ADGRE5: variants seen among roughly 807,000 people sequenced by gnomAD.
ADGRE5 encodes CD97 molecule.
In ADGRE5, 72 loss-of-function variants were observed where a neutral mutation model predicts 100.3. The observed-to-expected ratio is 0.72, with a 90% CI of 0.59 to 0.87. The LOEUF (loss-of-function observed/expected upper bound fraction) is 0.87, where lower values mean the gene tolerates loss of function less well. Ranked by LOEUF, ADGRE5 falls within the 40% of genes least tolerant of loss-of-function variation. The pLI is 0.00. For missense variants in ADGRE5, 959 were observed against 1,094.7 expected, an observed-to-expected ratio of 0.88 and a Z score of 1.75; for synonymous variants, 439 against 447.8, an observed-to-expected ratio of 0.98 and a Z score of 0.25.
At chr19:14,407,777 A>G (rs1976332167) in intron 18 of ADGRE5, 131 bp from the exon 19 acceptor site, 3 of 722,310 alleles carry the variant, frequency 4.2e-6, no homozygotes, top group Non-Finnish European at 7.1e-6. Context: ...CCTGGGTGAC[A>G]GGGGGACCCG....
In ADGRE5 at chr19:14,406,953, A is replaced by G. The variant is rs1161706924; in HGVS notation, c.2200A>G (p.Lys734Glu). Residue 734 changes from lysine (K) to glutamate (E), a missense_variant, in exon 17 of 20, where the codon AAG becomes GAG. Transcript: ENST00000242786. The surrounding 1 kb of genome is among the most constrained non-coding windows in gnomAD (Gnocchi z 6.0). ...CAATCCAGACATGAAGAAATTAAAG[A>G]AGGCGAGGTGAGAGGAGAGGCTGGA... ...EINPDMKKLK[K>E]ARALTITAIA... 8.7e-6 allele frequency: 14 copies of G among 1,614,072 alleles called. No homozygotes were observed. The highest frequency in any genetic ancestry group is 2.2e-5 in the South Asian group (2 of 91,084).
intron 4 of ADGRE5, among the ~76,000 whole-genome samples, chr19:14,392,360 G>T (rs1380798881): frequency 1.3e-5 from 2 of 151,930 alleles, no homozygotes; most frequent in Non-Finnish European, 2.9e-5. Context: ...GAGGGCAGTA[G>T]TGTGATCTCG....
chr19:14,399,011 T>A (rs954074237), intron 9 of ADGRE5, among the ~76,000 whole-genome samples: 6 of 151,520 alleles, frequency 4.0e-5, no homozygotes, highest in Non-Finnish European at 7.4e-5. Context: ...CTGGCTTATT[T>A]ATTTATTTAA....
intron 13 of ADGRE5, 166 bp downstream of exon 13, chr19:14,404,728 C>T: frequency 1.6e-6 from 1 of 624,650 alleles, no homozygotes; most frequent in South Asian, 2.1e-5. Context: ...CTTCCTTTGG[C>T]CTCTTCTCTA....
intron 4 of ADGRE5, among the ~76,000 whole-genome samples, chr19:14,394,655 G>A (rs1057507240): frequency 2.6e-5 from 4 of 152,032 alleles, no homozygotes; most frequent in South Asian, 2.1e-4. Context: ...CATCCTCTCC[G>A]CCATCGCCGG....
chr19:14,401,335 C>T lies in ADGRE5; in HGVS notation c.898-51C>T. On this transcript the variant is annotated intron_variant, in intron 9 of 19. Transcript: ENST00000242786. This position sits in a 1 kb window ranked among gnomAD's most constrained non-coding sequence, Gnocchi z 4.1. ...GGGGGTGACATCCAGGTCCTTCAGG[C>T]AACCCCTGTGGTCTGATGCTCCAGC... is the stretch of plus-strand genomic sequence containing the variant. The T allele has an allele frequency of 1.3e-6, 2 of 1,554,490 alleles. No homozygotes were observed. The highest frequency in any genetic ancestry group is 1.8e-6 in the Non-Finnish European group (2 of 1,141,276).
rs778322870 is a variant in ADGRE5, at chr19:14,406,995, G to T, written c.2207+35G>T. ...GAGGCTGGAAGGACTTGGAGGCGGG[G>T]CCGGGGTGAGGGGCATGAAGCTGGA... is the stretch of plus-strand genomic sequence containing the variant. On this transcript the variant is annotated intron_variant, in intron 17 of 19. Coordinates refer to ENST00000242786, the MANE Select transcript of ADGRE5 (RefSeq NM_078481.4). The surrounding 1 kb of genome is among the most constrained non-coding windows in gnomAD (Gnocchi z 6.0). 5.6e-6 allele frequency: 9 copies of T among 1,613,598 alleles called. No homozygotes were observed. Among genetic ancestry groups the T allele is most frequent in the Non-Finnish European group, 7.6e-6 (9 of 1,179,636 alleles).
intron 4 of ADGRE5, among the ~76,000 whole-genome samples, chr19:14,392,583 AG>A: frequency 6.6e-6 from 1 of 152,282 alleles, no homozygotes; most frequent in Non-Finnish European, 1.5e-5. Flanking sequence ...CCTTGCTAAA[AG>A]GGGAGTAATG....
In ADGRE5 at chr19:14,392,811, G is replaced by A. The variant is rs1975646114; in HGVS notation, c.346+1732G>A. ...CCAGCTACTCAAGAGGCTAAAGCAC[G>A]AGAATCGCTTGAACCTGAAAGGCAG... On this transcript the variant is annotated intron_variant, in intron 4 of 19. Coordinates refer to ENST00000242786, the MANE Select transcript of ADGRE5 (RefSeq NM_078481.4). 2.0e-5 allele frequency among the ~76,000 whole-genome samples: 3 copies of A among 151,670 alleles called. No individual in the cohort carries two copies. The South Asian group carries it at 6.2e-4, about 31-fold the overall frequency.
chr19:14,402,560 A>G (rs1976056640), intron 11 of ADGRE5, 37 bp from the exon 12 acceptor site: 2 of 1,610,144 alleles, frequency 1.2e-6, no homozygotes, highest in African/African-American at 2.7e-5. Flanking sequence ...TGGGAGGAGG[A>G]CAACGGGAGT....
At position 14,390,305 on chromosome 19, in the gene ADGRE5, C is replaced by T. The variant is rs532889208; in HGVS notation, c.191-619C>T. On this transcript the variant is annotated intron_variant, in intron 3 of 19. Transcript: ENST00000242786. Reference sequence around the variant, plus strand: ...CTTAAGACTGGGGAGGGGGTACATTCTGGCTATGAGGTTTTTTTTTCCTTT... The same window carrying T: ...CTTAAGACTGGGGAGGGGGTACATTTTGGCTATGAGGTTTTTTTTTCCTTT... Among the ~76,000 whole-genome samples, 15 of 150,512 alleles carry T rather than the reference C, an allele frequency of 1.0e-4. No individual in the cohort carries two copies. In the East Asian group the frequency reaches 2.8e-3, roughly 28 times the overall value.
intron 1 of ADGRE5, among the ~76,000 whole-genome samples, chr19:14,382,200 G>C (rs1168889207): frequency 6.6e-6 from 1 of 152,242 alleles, no homozygotes; most frequent in Non-Finnish European, 1.5e-5. Flanking sequence ...GCAACAAAGA[G>C]AGTGAAGAAA....
At chr19:14,396,720 C>T (rs1320291759) in intron 5 of ADGRE5, among the ~76,000 whole-genome samples, 3 of 152,228 alleles carry the variant, frequency 2.0e-5, no homozygotes, top group Non-Finnish European at 2.9e-5. Flanking sequence ...TCATCTGTCA[C>T]GTGCGAGTGG....
chr19:14,403,134 C>CCAGG (rs1274251487), intron 12 of ADGRE5, among the ~76,000 whole-genome samples: 1 of 151,856 alleles, frequency 6.6e-6, no homozygotes, highest in Non-Finnish European at 1.5e-5. Context: ...TCTCTGCCTC[C>CCAGG]CAGGTTCAAG....
At chr19:14,405,382 A>T (rs1331178859) in intron 13 of ADGRE5, 4 of 196,606 alleles carry the variant, frequency 2.0e-5, no homozygotes, top group Non-Finnish European at 4.1e-5. Flanking sequence ...ACCTCAGGTG[A>T]TCTGCCCCCC....
chr19:14,384,475 G>A (rs1285387554), intron 1 of ADGRE5, among the ~76,000 whole-genome samples: 8 of 152,150 alleles, frequency 5.3e-5, no homozygotes, highest in Admixed American at 5.2e-4. Context: ...CCCAGCCGTT[G>A]TCCTGGTCCC....
intron 3 of ADGRE5, 82 bp from the exon 4 acceptor site, chr19:14,390,842 T>C (rs964755399): frequency 2.0e-6 from 3 of 1,519,344 alleles, no homozygotes; most frequent in African/African-American, 2.7e-5. Flanking sequence ...GCAGGCCCCA[T>C]GTTGGGGAGT....
chr19:14,397,773 C>T lies in ADGRE5; in HGVS notation c.741C>T (p.Ile247=), dbSNP rs1329074776. The stretch of plus-strand genomic sequence containing the variant: ...CAGGCTGGAAGCCCAGACACGGAAT[C>T]CCGAATAACCAAAAGGACACTGTCT... ...CRPGWKPRHG[I]PNNQKDTVCE... The change falls in exon 7 of 20, where the codon ATC becomes ATT. Residue 247 remains isoleucine, a synonymous_variant. Coordinates refer to ENST00000242786, the MANE Select transcript of ADGRE5 (RefSeq NM_078481.4). 3.0e-6 allele frequency: 4 copies of T among 1,340,832 alleles called. No homozygotes were observed. Among genetic ancestry groups the T allele is most frequent in the Middle Eastern group, 2.1e-4 (1 of 4,784 alleles). The allele number at this position is 1,340,832 out of a possible 1,614,324, so 83.1% of individuals were successfully genotyped here.
At chr19:14,398,224 C>A in intron 9 of ADGRE5, 85 bp downstream of exon 9, 2 of 1,212,940 alleles carry the variant, frequency 1.6e-6, no homozygotes, top group Non-Finnish European at 2.4e-6. Flanking sequence ...GTGCCCAACC[C>A]AAGCAGGGGC....
Sources: allele counts gnomAD v4.1 joint callset (sites outside exome capture counted in the v4.1 genomes callset), GRCh38; gene constraint gnomAD v4.1.1; non-coding constraint Gnocchi (gnomAD v3.1); transcripts MANE v1.5; gene names NCBI Gene and HGNC (gene_info 2026-07-23, HGNC 2026-07-21).